The following ARHGAP24 variants were observed in gnomAD, a reference collection of about 807,000 sequenced individuals.
The protein encoded by ARHGAP24 is Rho GTPase activating protein 24, also known as rho GTPase-activating protein 24.
Under a neutral mutation model 76.4 loss-of-function variants are expected in ARHGAP24, and 50 were observed. That is an observed-to-expected ratio of 0.65 (90% CI 0.52 to 0.83). The LOEUF (loss-of-function observed/expected upper bound fraction) is 0.83, where lower values mean the gene tolerates loss of function less well. Among genes scored for constraint, ARHGAP24 ranks in the 40% least tolerant of loss-of-function variants. The pLI is 0.00. For synonymous variants in ARHGAP24, 345 were observed against 323.3 expected (o/e 1.07, Z -0.72); for missense variants, 930 against 914.2 (o/e 1.02, Z -0.22).
At chr4:85,651,146 G>C (rs1055094905) in intron 2 of ARHGAP24, among the ~76,000 whole-genome samples, 2 of 149,234 alleles carry the variant, frequency 1.3e-5, no homozygotes. Flanking sequence ...AACAGGACGG[G>C]GGAGAGGCAG....
At chr4:85,877,472 A>T (rs1733002120) in intron 3 of ARHGAP24, among the ~76,000 whole-genome samples, 1 of 135,858 alleles carries the variant, frequency 7.4e-6, no homozygotes, top group Non-Finnish European at 1.6e-5. Context: ...AAAAACTACA[A>T]AAATTAGCTG....
At chr4:85,608,772 C>T (rs1023880217) in intron 2 of ARHGAP24, among the ~76,000 whole-genome samples, 1 of 152,002 alleles carries the variant, frequency 6.6e-6, no homozygotes, top group South Asian at 2.1e-4. Flanking sequence ...GTTGGCCAGA[C>T]TGGTCTCGAA....
At chr4:85,475,787 G>T in intron 1 of ARHGAP24, among the ~76,000 whole-genome samples, 1 of 151,822 alleles carries the variant, frequency 6.6e-6, no homozygotes, top group Non-Finnish European at 1.5e-5. Context: ...GTTTGTGTGT[G>T]TGTGTGCGCG....
chr4:85,676,126 C>A (rs1388015012), intron 2 of ARHGAP24, among the ~76,000 whole-genome samples: 1 of 152,150 alleles, frequency 6.6e-6, no homozygotes, highest in Non-Finnish European at 1.5e-5. Context: ...GTTATCATAG[C>A]AGCCTTGAAC....
At chr4:85,853,616 C>T (rs1731369377) in intron 3 of ARHGAP24, among the ~76,000 whole-genome samples, 1 of 152,024 alleles carries the variant, frequency 6.6e-6, no homozygotes, top group Non-Finnish European at 1.5e-5. Context: ...TGGAACGGAC[C>T]TAAATGAATA....
intron 2 of ARHGAP24, among the ~76,000 whole-genome samples, chr4:85,688,327 A>G (rs535987559): frequency 6.6e-6 from 1 of 152,284 alleles, no homozygotes; most frequent in East Asian, 1.9e-4. Flanking sequence ...ATGATTAGTG[A>G]TAATGAATAT....
chr4:85,753,286 TG>T (rs1294957704), intron 3 of ARHGAP24, among the ~76,000 whole-genome samples: 1 of 152,174 alleles, frequency 6.6e-6, no homozygotes, highest in African/African-American at 2.4e-5. Flanking sequence ...CTTCTTTTTC[TG>T]GGTTATGGGC....
intron 3 of ARHGAP24, among the ~76,000 whole-genome samples, chr4:85,911,277 C>T (rs1735062204): frequency 6.6e-6 from 1 of 152,190 alleles, no homozygotes; most frequent in Non-Finnish European, 1.5e-5. Context: ...CTCCACTTGT[C>T]CCTGGCTCCT....
intron 1 of ARHGAP24, among the ~76,000 whole-genome samples, chr4:85,481,322 CAT>C (rs1307195274): frequency 6.6e-6 from 1 of 152,184 alleles, no homozygotes; most frequent in Non-Finnish European, 1.5e-5. Context: ...AATACCCTGA[CAT>C]ATTTACTATG....
intron 1 of ARHGAP24, among the ~76,000 whole-genome samples, chr4:85,548,935 G>T (rs1726020582): frequency 6.6e-6 from 1 of 151,886 alleles, no homozygotes. Context: ...TCTGTATCTG[G>T]CTTCTTTCAC....
At chr4:85,635,900 C>T (rs1195061026) in intron 2 of ARHGAP24, among the ~76,000 whole-genome samples, 1 of 151,796 alleles carries the variant, frequency 6.6e-6, no homozygotes, top group African/African-American at 2.4e-5. Context: ...TACGCATTTC[C>T]TTTTAAATAG....
At chr4:85,888,335 G>T (rs1195064177) in intron 3 of ARHGAP24, among the ~76,000 whole-genome samples, 2 of 150,176 alleles carry the variant, frequency 1.3e-5, no homozygotes, top group Non-Finnish European at 3.0e-5. Flanking sequence ...GGGAGGCAGA[G>T]GTTGCAGTGA....
chr4:85,854,361 A>T (rs1731436892), intron 3 of ARHGAP24, among the ~76,000 whole-genome samples: 1 of 152,198 alleles, frequency 6.6e-6, no homozygotes, highest in Non-Finnish European at 1.5e-5. Flanking sequence ...GCCTTTTCAG[A>T]TAATGGTGCA....
chr4:85,884,990 G>T (rs1383952301), intron 3 of ARHGAP24, among the ~76,000 whole-genome samples: 1 of 152,076 alleles, frequency 6.6e-6, no homozygotes, highest in Non-Finnish European at 1.5e-5. Flanking sequence ...GGTCTTTTAT[G>T]TCTGTCAAGA....
At chr4:85,878,062 T>C (rs1733035712) in intron 3 of ARHGAP24, among the ~76,000 whole-genome samples, 1 of 152,148 alleles carries the variant, frequency 6.6e-6, no homozygotes, top group Non-Finnish European at 1.5e-5. Flanking sequence ...AACTGAATTA[T>C]TCCTGTATCT....
chr4:85,827,461 C>CGTGTGTGTGT (rs56379272), intron 3 of ARHGAP24, among the ~76,000 whole-genome samples: 5,280 of 108,650 alleles, frequency 0.049, 254 homozygotes, highest in Non-Finnish European at 0.06. Flanking sequence ...GAAGTCTGCC[C>CGTGTGTGTGT]GTGTGTGTGT....
At chr4:85,839,352 A>G (rs1730461926) in intron 3 of ARHGAP24, among the ~76,000 whole-genome samples, 1 of 152,250 alleles carries the variant, frequency 6.6e-6, no homozygotes, top group African/African-American at 2.4e-5. Context: ...AACACTGATC[A>G]TCCAAACTTG....
intron 1 of ARHGAP24, among the ~76,000 whole-genome samples, chr4:85,564,416 T>G (rs1415733072): frequency 1.4e-5 from 2 of 145,600 alleles, no homozygotes; most frequent in African/African-American, 5.4e-5. Flanking sequence ...GCGGGGGGGA[T>G]AGCATTAGGA....
At chr4:85,535,530 G>A (rs1725434441) in intron 1 of ARHGAP24, among the ~76,000 whole-genome samples, 2 of 152,246 alleles carry the variant, frequency 1.3e-5, no homozygotes, top group Non-Finnish European at 1.5e-5. Context: ...ATAAAACAAA[G>A]GAAGTCATAA....
Sources: gnomAD v4.1 joint callset for allele counts (sites outside exome capture counted in the v4.1 genomes callset) on GRCh38, gnomAD v4.1.1 for gene constraint, MANE v1.5 for transcripts, NCBI Gene and HGNC (gene_info 2026-07-23, HGNC 2026-07-21) for gene names.